The following SVIL variants were observed in gnomAD, a reference collection of about 807,000 sequenced individuals.
The protein encoded by SVIL is supervillin.
Under a neutral mutation model 240.4 loss-of-function variants are expected in SVIL, and 101 were observed. The ratio of observed to expected loss-of-function variants is 0.42; its 90% CI spans 0.36 to 0.50. The LOEUF (loss-of-function observed/expected upper bound fraction) is 0.50. SVIL is among the 20% of genes least tolerant of loss of function. The probability of loss-of-function intolerance (pLI) is 0.01; values close to 1 mark genes in which losing one functional copy is unlikely to be tolerated. For synonymous variants in SVIL, 999 were observed against 1,100.0 expected, an observed-to-expected ratio of 0.91 and a Z score of 1.82; for missense variants, 2,512 against 2,818.7, an observed-to-expected ratio of 0.89 and a Z score of 2.46.
chr10:29,473,702 C>A (rs559672327), intron 30 of SVIL, 136 bp downstream of exon 30: 1 of 1,170,744 alleles, frequency 8.5e-7, no homozygotes, highest in Non-Finnish European at 1.2e-6. Flanking sequence ...AGAAGCCAGA[C>A]CAGGACTGAA....
intron 1 of SVIL, among the ~76,000 whole-genome samples, chr10:29,717,276 G>T (rs1183165043): frequency 1.5e-5 from 2 of 134,196 alleles, no homozygotes; most frequent in African/African-American, 5.7e-5. Context: ...TAGGCAGTGT[G>T]ATTTATGTTT....
intron 1 of SVIL, among the ~76,000 whole-genome samples, chr10:29,608,256 T>C (rs1354238520): frequency 6.6e-6 from 1 of 152,262 alleles, no homozygotes; most frequent in Non-Finnish European, 1.5e-5. Context: ...CAATTACCTC[T>C]GCTGCAAAGT....
chr10:29,721,317 G>A (rs1963966138), intron 1 of SVIL, among the ~76,000 whole-genome samples: 1 of 151,928 alleles, frequency 6.6e-6, no homozygotes, highest in Non-Finnish European at 1.5e-5. Context: ...ATAAAGAATA[G>A]ACAAGATACA....
intron 1 of SVIL, among the ~76,000 whole-genome samples, chr10:29,611,003 A>T (rs1481137206): frequency 6.6e-6 from 1 of 152,142 alleles, no homozygotes; most frequent in African/African-American, 2.4e-5. Flanking sequence ...CAGCTACTTC[A>T]TAATTACCAT....
At chr10:29,634,034 A>T (rs1261820847) in intron 1 of SVIL, among the ~76,000 whole-genome samples, 1 of 151,928 alleles carries the variant, frequency 6.6e-6, no homozygotes, top group Non-Finnish European at 1.5e-5. Flanking sequence ...GCCCTTCTGA[A>T]CTCCACCCCC....
chr10:29,685,652 G>C (rs1376547336), intron 2 of SVIL, among the ~76,000 whole-genome samples: 1 of 152,162 alleles, frequency 6.6e-6, no homozygotes, highest in Admixed American at 6.5e-5. Context: ...GTTTTGACTT[G>C]CATTTCTCTA....
chr10:29,565,270 G>A (rs781684767), intron 2 of SVIL, among the ~76,000 whole-genome samples: 1 of 152,134 alleles, frequency 6.6e-6, no homozygotes, highest in Non-Finnish European at 1.5e-5. Flanking sequence ...TAAATACTCC[G>A]CTGAATTTAC....
At chr10:29,597,209 T>C (rs1022426543) in intron 1 of SVIL, among the ~76,000 whole-genome samples, 2 of 152,166 alleles carry the variant, frequency 1.3e-5, no homozygotes, top group Non-Finnish European at 2.9e-5. Context: ...ATTGTGGGCA[T>C]GTGCATAACT....
At chr10:29,693,810 A>T (rs1382694378) in intron 1 of SVIL, among the ~76,000 whole-genome samples, 1 of 152,228 alleles carries the variant, frequency 6.6e-6, no homozygotes, top group Non-Finnish European at 1.5e-5. Context: ...TTGGCCTATA[A>T]AAGTTCCTTA....
chr10:29,494,830 C>CT (rs930064967), intron 20 of SVIL, 84 bp downstream of exon 20: 304 of 1,395,076 alleles, frequency 2.2e-4, no homozygotes, highest in Middle Eastern at 3.9e-4. Flanking sequence ...ACCAAAACTT[C>CT]TTTTTTTTGG....
At position 29,533,263 on chromosome 10, in the gene SVIL, G is replaced by C. The variant is rs767662386; in HGVS notation, c.1104C>G (p.Val368=). 3.1e-6 allele frequency: 5 copies of C among 1,614,104 alleles called. No homozygotes were observed. The highest frequency in any genetic ancestry group is 1.7e-6 in the Non-Finnish European group (2 of 1,180,030). The change falls in exon 8 of 38, where the codon GTC becomes GTG. Residue 368 remains valine, a synonymous_variant. Transcript: ENST00000355867. ...CGGTGTGACCGGTATCTGCGGGTTG[G>C]ACATAGCCACGGATTGGCTGTCGTG... ...GSTRQPIRGY[V]QPADTGHTAK...
rs145230643 is a variant in SVIL, at chr10:29,668,345, T to C, written c.-300-10277A>G. Among the ~76,000 whole-genome samples, 1,354 of 152,328 alleles carry C rather than the reference T, an allele frequency of 8.9e-3. 10 individuals carry two copies. The highest frequency in any genetic ancestry group is 0.015 in the Non-Finnish European group (1,050 of 68,028). ...GCAGAAAGGATCCAGTAGCTGTCTG[T>C]CTACACAGATGAGGCCTACAAAACC... On this transcript the variant is annotated intron_variant, in intron 2 of 35. Transcript: ENST00000375400.
At position 29,522,440 on chromosome 10, in the gene SVIL, G is replaced by A. The variant is rs1299101701; in HGVS notation, c.3359C>T (p.Ser1120Leu). ...KTPTGEGLLD[S>L]PSKTMSIKER... Reference sequence around the variant, plus strand: ...TTTAATAGACATGGTTTTGCTGGGTGAGTCAAGAAGGCCCTCCCCTGTCGG... The same window carrying A: ...TTTAATAGACATGGTTTTGCTGGGTAAGTCAAGAAGGCCCTCCCCTGTCGG... Residue 1120 changes from serine (S) to leucine (L), a missense_variant, in exon 16 of 38, where the codon TCA becomes TTA. Around this residue, in one of 3 missense-constraint regions of SVIL, gnomAD observed 1,443 missense variants for 1,486.6 expected, o/e 0.97. Transcript: ENST00000355867. The A allele has an allele frequency of 1.2e-6, 2 of 1,614,126 alleles. No homozygotes were observed. The highest frequency in any genetic ancestry group is 1.7e-6 in the Non-Finnish European group (2 of 1,180,034).
chr10:29,513,538 A>C (rs1950005136), intron 16 of SVIL, among the ~76,000 whole-genome samples: 1 of 152,180 alleles, frequency 6.6e-6, no homozygotes, highest in Admixed American at 6.5e-5. Flanking sequence ...TCTGTCTCAA[A>C]AAACAAACAA....
chr10:29,605,950 G>T (rs370108212), intron 1 of SVIL, among the ~76,000 whole-genome samples: 1 of 151,864 alleles, frequency 6.6e-6, no homozygotes, highest in Non-Finnish European at 1.5e-5. Flanking sequence ...TTGCTCTGTC[G>T]CCCAGGCTGG....
In SVIL at chr10:29,561,025, G is replaced by C. The variant is rs535065105; in HGVS notation, c.-51+2176C>G. Among the ~76,000 whole-genome samples the C allele has an allele frequency of 4.6e-5, 7 of 151,754 alleles. No homozygotes were observed. The East Asian group carries it at 1.2e-3, about 25-fold the overall frequency. On this transcript the variant is annotated intron_variant, in intron 3 of 37. Coordinates refer to ENST00000355867, the MANE Select transcript of SVIL (RefSeq NM_021738.3). ...TTTAGTAGAGACGGGGTTTCACCAC[G>C]TTAGCCAGGATGGTCTCGATCTCCT...
chr10:29,638,426 A>G (rs527315486), upstream of SVIL, among the ~76,000 whole-genome samples: 56 of 152,084 alleles, frequency 3.7e-4, 2 homozygotes, highest in South Asian at 0.01. Context: ...AGATCATGCC[A>G]TTGCACTCCA....
chr10:29,656,193 T>TA lies in SVIL; in HGVS notation c.-201+1775dup, dbSNP rs760109247. Among the ~76,000 whole-genome samples the TA allele has an allele frequency of 8.6e-4, 130 of 151,004 alleles. No individual in the cohort carries two copies. In the South Asian group the frequency reaches 0.012, roughly 14 times the overall value. On this transcript the variant is annotated intron_variant, in intron 3 of 35. Coordinates refer to the SVIL transcript ENST00000375400. ...CGAGTGTGAGTGTTTTTTTTTTTTT[T>TA]AAAAACATGAAGAGGCATTCGATTT...
rs562290311 is a variant in SVIL, at chr10:29,672,179, G to A, written c.-300-14111C>T. 2.4e-3 allele frequency among the ~76,000 whole-genome samples: 361 copies of A among 152,270 alleles called. 1 individual carries two copies. Among genetic ancestry groups the A allele is most frequent in the African/African-American group, 8.3e-3 (343 of 41,572 alleles). ...AATTTTTGCCAATAAAATTTTATTC[G>A]AACACAGCCATGCTTATTCATTTCT... On this transcript the variant is annotated intron_variant, in intron 2 of 35. Coordinates refer to the SVIL transcript ENST00000375400.
Sources: allele counts gnomAD v4.1 joint callset (sites outside exome capture counted in the v4.1 genomes callset), GRCh38; gene constraint gnomAD v4.1.1; regional missense constraint gnomAD v4.1.1; transcripts MANE v1.5; gene names NCBI Gene and HGNC (gene_info 2026-07-23, HGNC 2026-07-21).